PARD3: variants seen among roughly 807,000 people sequenced by gnomAD.
PARD3 encodes the protein partitioning defective 3 homolog.
In PARD3, 75 loss-of-function variants were observed where a neutral mutation model predicts 155.4. The observed-to-expected ratio is 0.48, with a 90% confidence interval of 0.40 to 0.58. PARD3 has a LOEUF of 0.58. Among genes scored for constraint, PARD3 ranks in the 20% least tolerant of loss-of-function variants. The pLI is 0.00. For missense variants in PARD3, 1,642 were observed against 1,721.7 expected, an observed-to-expected ratio of 0.95 and a Z score of 0.82; for synonymous variants, 576 against 610.5, an observed-to-expected ratio of 0.94 and a Z score of 0.83.
chr10:34,629,565 T>C lies in PARD3; in HGVS notation c.222+66753A>G, dbSNP rs58481066. On this transcript the variant is annotated intron_variant, in intron 2 of 24. Coordinates refer to ENST00000374788, the MANE Select transcript of PARD3 (RefSeq NM_001184785.2). ...TCAAGAAAGATCACTTCCAATCTGCTAGACGAAAACCTACAAAGAGGGCCT... is the reference window on the plus strand; with the variant it reads ...TCAAGAAAGATCACTTCCAATCTGCCAGACGAAAACCTACAAAGAGGGCCT... 9.2e-3 allele frequency among the ~76,000 whole-genome samples: 1,402 copies of C among 152,308 alleles called. 14 individuals carry two copies. Among genetic ancestry groups the C allele is most frequent in the African/African-American group, 0.032 (1,331 of 41,566 alleles).
At chr10:34,747,945 A>T (rs2133928363) in intron 1 of PARD3, among the ~76,000 whole-genome samples, 1 of 152,328 alleles carries the variant, frequency 6.6e-6, no homozygotes, top group East Asian at 1.9e-4. Flanking sequence ...GTAGCTGGGC[A>T]TGGTCACACG....
intron 22 of PARD3, among the ~76,000 whole-genome samples, chr10:34,153,723 T>A (rs2132982628): frequency 6.6e-6 from 1 of 152,336 alleles, no homozygotes; most frequent in East Asian, 1.9e-4. Context: ...TCCATTATCT[T>A]AAATGGAACT....
intron 5 of PARD3, among the ~76,000 whole-genome samples, chr10:34,435,346 G>T (rs1250169357): frequency 1.3e-5 from 2 of 152,100 alleles, no homozygotes; most frequent in African/African-American, 2.4e-5. Flanking sequence ...TAGAGTCAAC[G>T]AATCAATATA....
intron 22 of PARD3, among the ~76,000 whole-genome samples, chr10:34,174,122 G>A (rs900222177): frequency 3.3e-5 from 5 of 152,180 alleles, no homozygotes; most frequent in Admixed American, 2.0e-4. Flanking sequence ...GCATAACGAT[G>A]CTTCATTAGG....
intron 19 of PARD3, among the ~76,000 whole-genome samples, chr10:34,326,367 GAT>G (rs1310231476): frequency 6.8e-6 from 1 of 146,534 alleles, no homozygotes; most frequent in African/African-American, 2.8e-5. Flanking sequence ...TGCATAAAAT[GAT>G]GTGATAGGTT....
At chr10:34,730,358 T>G (rs952534753) in intron 1 of PARD3, among the ~76,000 whole-genome samples, 1 of 152,224 alleles carries the variant, frequency 6.6e-6, no homozygotes, top group African/African-American at 2.4e-5. Flanking sequence ...GTTTGCAGAT[T>G]GAAAAGTTTT....
intron 4 of PARD3, among the ~76,000 whole-genome samples, chr10:34,466,550 A>C (rs1285138339): frequency 6.6e-6 from 1 of 152,188 alleles, no homozygotes; most frequent in East Asian, 1.9e-4. Flanking sequence ...GAGTTATTTA[A>C]GAATGTTAAC....
intron 2 of PARD3, among the ~76,000 whole-genome samples, chr10:34,586,762 C>T (rs555264230): frequency 6.6e-6 from 1 of 152,218 alleles, no homozygotes; most frequent in East Asian, 1.9e-4. Flanking sequence ...AGCCCTCCAG[C>T]CTGGGCAGAG....
chr10:34,747,247 T>A (rs961780123), intron 1 of PARD3, among the ~76,000 whole-genome samples: 3 of 152,184 alleles, frequency 2.0e-5, no homozygotes, highest in African/African-American at 7.2e-5. Context: ...GAATATCATT[T>A]GAGCCACGAT....
At chr10:34,565,642 T>C (rs1382322488) in intron 2 of PARD3, among the ~76,000 whole-genome samples, 1 of 152,128 alleles carries the variant, frequency 6.6e-6, no homozygotes, top group East Asian at 1.9e-4. Flanking sequence ...AATCCTCGTT[T>C]TTAAGAAGTG....
rs567978299 is a variant in PARD3 at position 34,442,013 on chromosome 10, G to A, written c.714+8304C>T. ...AGTTTAATTTTAAAACAATCTTGAT[G>A]TTTTTAGTTTCTACATTTGGTGTTG... On this transcript the variant is annotated intron_variant, in intron 5 of 24. Coordinates refer to ENST00000374788, the MANE Select transcript of PARD3 (RefSeq NM_001184785.2). Among the ~76,000 whole-genome samples the A allele has an allele frequency of 3.1e-4, 47 of 152,234 alleles. No homozygotes were observed. The South Asian group carries it at 8.9e-3, about 29-fold the overall frequency.
chr10:34,359,400 A>C (rs1460310687), intron 13 of PARD3, 83 bp from the exon 14 acceptor site: 2 of 1,064,744 alleles, frequency 1.9e-6, no homozygotes, highest in African/African-American at 1.6e-5. Flanking sequence ...AATAAATAAA[A>C]TAAAAACAAA....
chr10:34,665,004 A>T (rs1406286151), intron 2 of PARD3, among the ~76,000 whole-genome samples: 2 of 151,854 alleles, frequency 1.3e-5, no homozygotes, highest in Non-Finnish European at 2.9e-5. Context: ...AGAGGGAGAG[A>T]CAGAGACAGG....
intron 21 of PARD3, among the ~76,000 whole-genome samples, chr10:34,283,271 C>T (rs933292736): frequency 4.6e-5 from 7 of 152,026 alleles, no homozygotes; most frequent in African/African-American, 1.7e-4. Context: ...GCATTATAAC[C>T]TTCATCAAGG....
intron 2 of PARD3, among the ~76,000 whole-genome samples, chr10:34,540,330 T>TAA (rs554974256): frequency 2.8e-5 from 4 of 144,300 alleles, no homozygotes; most frequent in African/African-American, 1.0e-4. Context: ...CACACTATAT[T>TAA]AAAAAAAAAA....
intron 1 of PARD3, among the ~76,000 whole-genome samples, chr10:34,753,685 G>A (rs1836340667): frequency 6.6e-6 from 1 of 152,202 alleles, no homozygotes; most frequent in African/African-American, 2.4e-5. Flanking sequence ...TTCTGGACAT[G>A]CATATGTTTG....
intron 15 of PARD3, chr10:34,344,255 T>C (rs915753548): frequency 1.0e-6 from 1 of 979,744 alleles, no homozygotes; most frequent in Non-Finnish European, 1.2e-6. Flanking sequence ...CTGTTGCTGG[T>C]TTTTTTGTTT....
intron 22 of PARD3, among the ~76,000 whole-genome samples, chr10:34,222,182 G>A (rs959366711): frequency 6.6e-5 from 10 of 152,296 alleles, no homozygotes; most frequent in Admixed American, 2.6e-4. Context: ...AAAGAAACAT[G>A]CCTTTTATTT....
At chr10:34,516,041 C>T (rs1226834000) in intron 3 of PARD3, among the ~76,000 whole-genome samples, 1 of 151,894 alleles carries the variant, frequency 6.6e-6, no homozygotes, top group Non-Finnish European at 1.5e-5. Context: ...ACTGCAACCT[C>T]CATCTCCAAC....
Sources: allele counts gnomAD v4.1 joint callset (sites outside exome capture counted in the v4.1 genomes callset), GRCh38; gene constraint gnomAD v4.1.1; transcripts MANE v1.5; gene names NCBI Gene and HGNC (gene_info 2026-07-23, HGNC 2026-07-21).